The following RBMS1 variants were observed in gnomAD, a reference collection of about 807,000 sequenced individuals.
RBMS1 encodes RNA-binding motif, single-stranded-interacting protein 1.
Under a neutral mutation model 62.3 loss-of-function variants are expected in RBMS1, and 17 were observed. The observed-to-expected ratio is 0.27, with a 90% CI of 0.19 to 0.41. The LOEUF (loss-of-function observed/expected upper bound fraction) is 0.41, where lower values mean the gene tolerates loss of function less well. Ranked by LOEUF, RBMS1 falls within the 10% of genes least tolerant of loss-of-function variation. The pLI is 1.00. For synonymous variants in RBMS1, 172 were observed against 170.0 expected (o/e 1.01, Z -0.09); for missense variants, 334 against 504.5 (o/e 0.66, Z 3.24).
At chr2:160,322,936 A>G (rs1690661212) in intron 2 of RBMS1, among the ~76,000 whole-genome samples, 1 of 152,128 alleles carries the variant, frequency 6.6e-6, no homozygotes, top group African/African-American at 2.4e-5. Context: ...ATCAAATGGC[A>G]CCTCAGGGAC....
chr2:160,452,481 A>C (rs747415829), intron 1 of RBMS1, among the ~76,000 whole-genome samples: 4 of 152,194 alleles, frequency 2.6e-5, no homozygotes, highest in Non-Finnish European at 4.4e-5. Context: ...ATACAACATA[A>C]ATGCTATGTA....
intron 12 of RBMS1, among the ~76,000 whole-genome samples, chr2:160,276,292 G>A (rs1340154552): frequency 6.6e-6 from 1 of 151,958 alleles, no homozygotes; most frequent in Admixed American, 6.6e-5. Flanking sequence ...TGTAGGCTCT[G>A]GTAACTGTGG....
At chr2:160,479,133 T>A (rs959302239) in intron 1 of RBMS1, among the ~76,000 whole-genome samples, 9 of 152,154 alleles carry the variant, frequency 5.9e-5, no homozygotes, top group Non-Finnish European at 1.3e-4. Flanking sequence ...GTAGAGTCCA[T>A]CCAGCCGATC....
Position 160,277,310 on chromosome 2 carries a change from G to C in RBMS1, c.1136C>G (p.Pro379Arg), listed in dbSNP as rs375096865. The C allele has an allele frequency of 5.6e-6, 9 of 1,610,772 alleles. No individual in the cohort carries two copies. In the African/African-American group the frequency reaches 1.2e-4, roughly 22 times the overall value. ...TGGATGGTCTCTACCAACCTCAACAGGAACCGCTGTCGTCTGCATATGTGC... is the reference window on the plus strand; with the variant it reads ...TGGATGGTCTCTACCAACCTCAACACGAACCGCTGTCGTCTGCATATGTGC... ...QYAHMQTTAV[P>R]VEEASGQQQV... The change falls in exon 12 of 14, where the codon CCT (proline) becomes CGT (arginine). Residue 379 changes from proline (P) to arginine (R), a missense_variant. Physicochemically the swap from Pro to Arg is moderately radical, Grantham distance 103. Coordinates refer to ENST00000348849, the MANE Select transcript of RBMS1 (RefSeq NM_016836.4).
intron 1 of RBMS1, among the ~76,000 whole-genome samples, chr2:160,446,501 T>C (rs1020536573): frequency 2.6e-5 from 4 of 152,194 alleles, no homozygotes; most frequent in Non-Finnish European, 5.9e-5. Flanking sequence ...GTAGAGATTA[T>C]GGTCTTTCTT....
chr2:160,293,253 C>G (rs1351267264), intron 6 of RBMS1, among the ~76,000 whole-genome samples: 2 of 152,014 alleles, frequency 1.3e-5, no homozygotes, highest in East Asian at 3.9e-4. Flanking sequence ...CATAATTTTC[C>G]CTCTAAACAT....
At chr2:160,371,946 A>G (rs192541480) in intron 1 of RBMS1, among the ~76,000 whole-genome samples, 1 of 152,330 alleles carries the variant, frequency 6.6e-6, no homozygotes, top group East Asian at 1.9e-4. Context: ...CCTATAGAGA[A>G]GAGAGAAATA....
chr2:160,290,742 A>C (rs1444567296), intron 6 of RBMS1, among the ~76,000 whole-genome samples: 1 of 152,220 alleles, frequency 6.6e-6, no homozygotes, highest in African/African-American at 2.4e-5. Flanking sequence ...CCCAGGCAAC[A>C]CTGCAATGCA....
intron 2 of RBMS1, among the ~76,000 whole-genome samples, chr2:160,351,972 T>C (rs780156968): frequency 1.7e-4 from 26 of 152,050 alleles, no homozygotes; most frequent in Non-Finnish European, 2.5e-4. Context: ...AAAATAGATA[T>C]AAAGTTCAAG....
At chr2:160,367,904 C>T (rs1693499676) in intron 1 of RBMS1, among the ~76,000 whole-genome samples, 2 of 152,192 alleles carry the variant, frequency 1.3e-5, no homozygotes, top group South Asian at 4.1e-4. Context: ...AAGACAGGCA[C>T]ACGACTTCAT....
chr2:160,304,457 T>G (rs928343756), intron 4 of RBMS1, among the ~76,000 whole-genome samples: 1 of 152,224 alleles, frequency 6.6e-6, no homozygotes, highest in Non-Finnish European at 1.5e-5. Context: ...ACACCGACAC[T>G]CCAGGAAGAT....
rs190655666 is a variant in RBMS1 at position 160,274,649 on chromosome 2, G to A, written c.*123C>T. 405 of 151,464 alleles carry A rather than the reference G, an allele frequency of 2.7e-3. 2 individuals are homozygous for A. The highest frequency in any genetic ancestry group is 4.2e-3 in the Non-Finnish European group (283 of 67,904). The allele number at this position is 151,464 out of a possible 1,614,324, so 9.4% of individuals were successfully genotyped here. ...TTTAGTTGATTTCATTATAAATAAC[G>A]TTTTCAAGAACCTGTGCAAAACTGT... On this transcript the variant is annotated 3_prime_UTR_variant, in exon 14 of 14. Transcript: ENST00000348849.
chr2:160,439,010 C>CG (rs1357548126), intron 1 of RBMS1, among the ~76,000 whole-genome samples: 7 of 136,350 alleles, frequency 5.1e-5, no homozygotes, highest in African/African-American at 2.0e-4. Context: ...GCTGGCCAGG[C>CG]GGGGGGCTGA....
chr2:160,295,045 G>T (rs925668117), intron 6 of RBMS1, among the ~76,000 whole-genome samples: 4 of 151,486 alleles, frequency 2.6e-5, no homozygotes, highest in Non-Finnish European at 5.9e-5. Context: ...GAAAAAAGAA[G>T]TCTAGAGAAG....
intron 6 of RBMS1, among the ~76,000 whole-genome samples, chr2:160,297,740 G>A (rs1689011478): frequency 2.0e-5 from 3 of 152,198 alleles, no homozygotes; most frequent in African/African-American, 7.2e-5. Context: ...AGGGATCTGG[G>A]TCATTGGAAA....
intron 1 of RBMS1, among the ~76,000 whole-genome samples, chr2:160,383,318 C>A (rs1014565339): frequency 6.6e-6 from 1 of 151,982 alleles, no homozygotes; most frequent in Non-Finnish European, 1.5e-5. Flanking sequence ...GCATCCTATC[C>A]TCTTCTTGAA....
intron 2 of RBMS1, among the ~76,000 whole-genome samples, chr2:160,344,290 T>G (rs1241631279): frequency 1.3e-5 from 2 of 152,140 alleles, no homozygotes; most frequent in Non-Finnish European, 2.9e-5. Flanking sequence ...ACAGCAGGTA[T>G]TACTAAGAAA....
At chr2:160,425,259 G>C (rs1277840888) in intron 1 of RBMS1, among the ~76,000 whole-genome samples, 1 of 152,178 alleles carries the variant, frequency 6.6e-6, no homozygotes, top group East Asian at 1.9e-4. Context: ...TACTATTACA[G>C]TGAATCCTTT....
At chr2:160,453,514 G>C (rs1684087306) in intron 1 of RBMS1, among the ~76,000 whole-genome samples, 1 of 151,974 alleles carries the variant, frequency 6.6e-6, no homozygotes, top group Non-Finnish European at 1.5e-5. Flanking sequence ...AATTTTAAAA[G>C]TGATCCCTTC....
Sources: allele counts gnomAD v4.1 joint callset (sites outside exome capture counted in the v4.1 genomes callset), GRCh38; gene constraint gnomAD v4.1.1; transcripts MANE v1.5; gene names NCBI Gene and HGNC (gene_info 2026-07-23, HGNC 2026-07-21).